The following TNNI3K variants were observed in gnomAD, a reference collection of about 807,000 sequenced individuals.
The protein encoded by TNNI3K is TNNI3 interacting kinase.
A neutral mutation model predicts 114.5 loss-of-function variants in TNNI3K; 140 were observed. The ratio of observed to expected loss-of-function variants is 1.22; its 90% CI spans 1.07 to 1.41. The LOEUF is 1.41. Ranked by LOEUF, TNNI3K falls within the 40% of genes most tolerant of loss-of-function variation. TNNI3K has a pLI of 0.00. For missense variants in TNNI3K, 1,125 were observed against 1,007.6 expected (o/e 1.12, Z -1.58); for synonymous variants, 347 against 347.5 (o/e 1.00, Z 0.02).
intron 11 of TNNI3K, chr1:74,366,442 G>A (rs1662276623): frequency 6.6e-6 from 1 of 151,896 alleles, no homozygotes; most frequent in Non-Finnish European, 1.5e-5. Context: ...TAGATTGTTG[G>A]TGGTGTTATA....
intron 17 of TNNI3K, among the ~76,000 whole-genome samples, chr1:74,386,565 ATAAT>A (rs1238295694): frequency 6.6e-6 from 1 of 152,208 alleles, no homozygotes; most frequent in Non-Finnish European, 1.5e-5. Flanking sequence ...AGCCATATAA[ATAAT>A]ATAATTCATG....
At chr1:74,277,342 G>A (rs528152481) in intron 5 of TNNI3K, among the ~76,000 whole-genome samples, 11 of 152,100 alleles carry the variant, frequency 7.2e-5, no homozygotes, top group African/African-American at 2.4e-4. Flanking sequence ...ATACATAAAA[G>A]AGCGATTACT....
rs117330518 is a variant in TNNI3K at position 74,469,879 on chromosome 1, T to A, written c.2121+6329T>A. 288 of 400,584 alleles carry A rather than the reference T, an allele frequency of 7.2e-4. 2 individuals carry two copies. In the East Asian group the frequency reaches 9.9e-3, roughly 14 times the overall value. The allele number at this position is 400,584 out of a possible 1,614,324, so 24.8% of individuals were successfully genotyped here. A position where few individuals can be genotyped will look rare whatever the true frequency, so the allele number is the denominator to read the frequency against. ...ATTATTTGAGTTATTTTGTTCACTTTATTCTGTTTCTAAAGGTGATGTAGT... is the reference window on the plus strand; with the variant it reads ...ATTATTTGAGTTATTTTGTTCACTTAATTCTGTTTCTAAAGGTGATGTAGT... On this transcript the variant is annotated intron_variant, in intron 21 of 24. Transcript: ENST00000326637.
At chr1:74,247,207 T>C (rs1411234544) in intron 2 of TNNI3K, among the ~76,000 whole-genome samples, 1 of 152,106 alleles carries the variant, frequency 6.6e-6, no homozygotes, top group Admixed American at 6.5e-5. Flanking sequence ...GGTGGGTTTG[T>C]GGTCTGCTGG....
At chr1:74,372,774 C>T (rs1221410852) in intron 17 of TNNI3K, 1 of 151,716 alleles carries the variant, frequency 6.6e-6, no homozygotes, top group Admixed American at 6.6e-5. Context: ...TATTCTGTTG[C>T]CCTGAGTTAT....
At chr1:74,275,945 A>C (rs970166143) in intron 5 of TNNI3K, among the ~76,000 whole-genome samples, 8 of 152,128 alleles carry the variant, frequency 5.3e-5, no homozygotes, top group African/African-American at 1.9e-4. Flanking sequence ...TTTCCCCCAT[A>C]GGAAACAGGG....
chr1:74,376,827 A>AAT (rs1662929760), intron 17 of TNNI3K: 1 of 151,896 alleles, frequency 6.6e-6, no homozygotes, highest in Non-Finnish European at 1.5e-5. Flanking sequence ...CATTAAAAAA[A>AAT]AAAATAAAAG....
intron 23 of TNNI3K, among the ~76,000 whole-genome samples, chr1:74,513,251 TA>T (rs1256134610): frequency 1.3e-5 from 2 of 152,094 alleles, no homozygotes; most frequent in Admixed American, 1.3e-4. Context: ...AGCTGATATT[TA>T]TTGAGAAATT....
At chr1:74,451,639 TTTC>T (rs1172153415) in intron 20 of TNNI3K, among the ~76,000 whole-genome samples, 2 of 138,704 alleles carry the variant, frequency 1.4e-5, no homozygotes, top group Non-Finnish European at 3.0e-5. Flanking sequence ...TTTCTTTTTC[TTTC>T]TTTCTTTCCT....
chr1:74,415,275 C>T (rs555453196), intron 17 of TNNI3K, among the ~76,000 whole-genome samples: 1 of 152,096 alleles, frequency 6.6e-6, no homozygotes, highest in African/African-American at 2.4e-5. Flanking sequence ...ATAGCCACCC[C>T]CACCCTTGCA....
intron 2 of TNNI3K, among the ~76,000 whole-genome samples, chr1:74,236,971 T>TAATGC (rs1022238740): frequency 3.9e-5 from 6 of 151,912 alleles, no homozygotes; most frequent in African/African-American, 1.4e-4. Flanking sequence ...CTGTGTTATG[T>TAATGC]AATGCACTCA....
chr1:74,445,482 G>A (rs892341026), intron 20 of TNNI3K, among the ~76,000 whole-genome samples: 19 of 141,924 alleles, frequency 1.3e-4, no homozygotes, highest in African/African-American at 4.8e-4. Flanking sequence ...TTGGTTTTTT[G>A]TTCTTGCGAT....
intron 17 of TNNI3K, among the ~76,000 whole-genome samples, chr1:74,389,179 G>A (rs528358358): frequency 6.6e-6 from 1 of 152,324 alleles, no homozygotes; most frequent in South Asian, 2.1e-4. Context: ...TGGAAGTAAT[G>A]AGTGTTGGAT....
intron 17 of TNNI3K, among the ~76,000 whole-genome samples, chr1:74,386,840 C>G (rs1478030705): frequency 6.6e-6 from 1 of 152,122 alleles, no homozygotes; most frequent in Non-Finnish European, 1.5e-5. Flanking sequence ...ATTAAATCAT[C>G]CCTTGATGAC....
intron 17 of TNNI3K, chr1:74,416,334 G>C (rs777993605): frequency 2.0e-6 from 2 of 985,286 alleles, no homozygotes; most frequent in Non-Finnish European, 2.4e-6. Context: ...CCTTAGTGAC[G>C]GGCTACACTA....
At chr1:74,455,336 A>G (rs541240485) in intron 20 of TNNI3K, among the ~76,000 whole-genome samples, 2 of 152,306 alleles carry the variant, frequency 1.3e-5, no homozygotes, top group African/African-American at 4.8e-5. Context: ...TGTATCAGCA[A>G]GGTCCAGAGG....
chr1:74,347,993 T>G (rs566847080), intron 9 of TNNI3K, among the ~76,000 whole-genome samples: 426 of 152,350 alleles, frequency 2.8e-3, no homozygotes, highest in Non-Finnish European at 5.3e-3. Context: ...CAGAAGTTCT[T>G]TAGTTTAATT....
chr1:74,292,294 T>G (rs1171715324), intron 5 of TNNI3K, among the ~76,000 whole-genome samples: 2 of 151,532 alleles, frequency 1.3e-5, no homozygotes, highest in South Asian at 4.1e-4. Context: ...TTTTTCTAAT[T>G]TCTTAAGATG....
At chr1:74,259,362 A>T (rs1364034354) in intron 4 of TNNI3K, among the ~76,000 whole-genome samples, 1 of 152,230 alleles carries the variant, frequency 6.6e-6, no homozygotes, top group Non-Finnish European at 1.5e-5. Context: ...AGGGCAGAAT[A>T]TGGATGTCTC....
Sources: allele counts gnomAD v4.1 joint callset (sites outside exome capture counted in the v4.1 genomes callset), GRCh38; gene constraint gnomAD v4.1.1; transcripts MANE v1.5; gene names NCBI Gene and HGNC (gene_info 2026-07-23, HGNC 2026-07-21).